PTRH2: variants seen among roughly 807,000 people sequenced by gnomAD.
PTRH2 encodes the protein peptidyl-tRNA hydrolase 2, mitochondrial.
In PTRH2, 10 loss-of-function variants were observed where a neutral mutation model predicts 12.3. The observed-to-expected ratio is 0.81, with a 90% CI of 0.50 to 1.38. PTRH2 has a LOEUF of 1.38. Ranked by LOEUF, PTRH2 falls within the 40% of genes most tolerant of loss-of-function variation. The probability of loss-of-function intolerance (pLI) is 0.00; values close to 1 mark genes in which losing one functional copy is unlikely to be tolerated. For missense variants in PTRH2, 176 were observed against 214.1 expected (o/e 0.82, Z 1.11); for synonymous variants, 73 against 77.4 (o/e 0.94, Z 0.30).
intron 1 of PTRH2, among the ~76,000 whole-genome samples, chr17:59,704,621 C>T (rs1277509811): frequency 6.6e-6 from 1 of 152,108 alleles, no homozygotes; most frequent in African/African-American, 2.4e-5. Context: ...AGGAGACTGA[C>T]ATGGAGTGGC....
intron 1 of PTRH2, among the ~76,000 whole-genome samples, chr17:59,703,503 C>T (rs2033590092): frequency 6.6e-6 from 1 of 152,110 alleles, no homozygotes; most frequent in Non-Finnish European, 1.5e-5. Flanking sequence ...ATCCAGAGCC[C>T]TTGTTCTTTT....
At chr17:59,703,204 T>TA (rs1392262026) in intron 1 of PTRH2, among the ~76,000 whole-genome samples, 1 of 151,982 alleles carries the variant, frequency 6.6e-6, no homozygotes, top group African/African-American at 2.4e-5. Context: ...CTTTTTTTTT[T>TA]AAGACACAGG....
At chr17:59,700,285 CTT>C in intron 1 of PTRH2, 1 of 152,212 alleles carries the variant, frequency 6.6e-6, no homozygotes, top group East Asian at 1.9e-4. Flanking sequence ...CAATAAGACA[CTT>C]ATATCAGTCT....
chr17:59,698,113 C>G lies in PTRH2; in HGVS notation c.1-135G>C. On this transcript the variant is annotated intron_variant, in intron 1 of 1. Coordinates refer to ENST00000393038, the MANE Select transcript of PTRH2 (RefSeq NM_016077.5). ...GGCAAAACACACCTTTGATCTTATG[C>G]CTGCACCCTGTTTCCAACACCCTCT... The G allele has an allele frequency of 4.7e-6, 4 of 853,608 alleles. No individual in the cohort carries two copies. The South Asian group carries it at 7.3e-5, about 16-fold the overall frequency. The allele number at this position is 853,608 out of a possible 1,614,324, so 52.9% of individuals were successfully genotyped here. A position where few individuals can be genotyped will look rare whatever the true frequency, so the allele number is the denominator to read the frequency against.
chr17:59,700,195 A>G (rs941228622), intron 1 of PTRH2: 20 of 152,264 alleles, frequency 1.3e-4, no homozygotes, highest in Admixed American at 1.3e-3. Flanking sequence ...TGTAGCTATC[A>G]TAAAACAAAG....
chr17:59,704,048 TC>T (rs2033600218), intron 1 of PTRH2, among the ~76,000 whole-genome samples: 1 of 150,930 alleles, frequency 6.6e-6, no homozygotes, highest in Non-Finnish European at 1.5e-5. Context: ...CCTCAGGTGA[TC>T]CACCCACCTC....
Position 59,698,517 on chromosome 17 carries a change from G to A in PTRH2, c.1-539C>T, listed in dbSNP as rs183971240. 4.7e-5 allele frequency: 11 copies of A among 232,920 alleles called. No homozygotes were observed. The East Asian group carries it at 6.3e-4, about 13-fold the overall frequency. The allele number at this position is 232,920 out of a possible 1,614,324, so 14.4% of individuals were successfully genotyped here. On this transcript the variant is annotated intron_variant, in intron 1 of 1. Transcript: ENST00000393038. ...AAAATGAAGAGTTGTCCCATTGGAC[G>A]TGAGTGCAGCTGAAAAACTTAATAA...
At chr17:59,705,066 C>A (rs2033616233) in intron 1 of PTRH2, among the ~76,000 whole-genome samples, 1 of 152,220 alleles carries the variant, frequency 6.6e-6, no homozygotes, top group Admixed American at 6.5e-5. Flanking sequence ...GGGATACAGG[C>A]ATGGGCCACC....
chr17:59,701,599 A>G (rs1208155520), intron 1 of PTRH2, among the ~76,000 whole-genome samples: 1 of 152,236 alleles, frequency 6.6e-6, no homozygotes, highest in African/African-American at 2.4e-5. Flanking sequence ...CAAAGCAGAA[A>G]AAGTCCTTTC....
rs1464616784 is a variant in PTRH2 at position 59,698,498 on chromosome 17, AAG to A, written c.1-522_1-521del. ...AGGATGCTAAAAACCTTACAAAATG[AAG>A]AGTTGTCCCATTGGACGTGAGTGCA... On this transcript the variant is annotated intron_variant, in intron 1 of 1. Transcript: ENST00000393038. 1.4e-5 allele frequency: 3 copies of A among 221,904 alleles called. No homozygotes were observed. In the Admixed American group the frequency reaches 1.5e-4, roughly 11 times the overall value. The allele number at this position is 221,904 out of a possible 1,614,324, so 13.7% of individuals were successfully genotyped here. A position where few individuals can be genotyped will look rare whatever the true frequency, so the allele number is the denominator to read the frequency against.
In PTRH2 at chr17:59,697,804, A is replaced by G. The variant is rs1462316661; in HGVS notation, c.175T>C (p.Leu59=). 6.2e-7 allele frequency: 1 copy of G among 1,614,170 alleles called. No individual in the cohort carries two copies. Among genetic ancestry groups the G allele is most frequent in the Non-Finnish European group, 8.5e-7 (1 of 1,180,046 alleles). Residue 59 remains leucine (L), a synonymous_variant, in exon 2 of 2, where the codon TTG becomes CTG. Coordinates refer to ENST00000393038, the MANE Select transcript of PTRH2 (RefSeq NM_016077.5). ...HTDTESEASI[L]GDSGEYKMIL... is the part of the protein sequence containing the mutation. ...ATCTTGTACTCCCCGCTGTCTCCCA[A>G]GATGCTTGCTTCACTTTCAGTATCT...
Position 59,697,859 on chromosome 17 carries a change from G to A in PTRH2, c.120C>T (p.Leu40=), listed in dbSNP as rs1207074605. 3 of 1,614,104 alleles carry A rather than the reference G, an allele frequency of 1.9e-6. No homozygotes were observed. Among genetic ancestry groups the A allele is most frequent in the East Asian group, 4.5e-5 (2 of 44,876 alleles). The change falls in exon 2 of 2, where the codon CTC becomes CTT. Residue 40 remains leucine (L), a synonymous_variant. Coordinates refer to ENST00000393038, the MANE Select transcript of PTRH2 (RefSeq NM_016077.5). Reference sequence around the variant, plus strand: ...GTGTCTTGCTCGTCTTGCTTTTGGGGAGCATCCCAAAGCATACTCGAAGGC... The same window carrying A: ...GTGTCTTGCTCGTCTTGCTTTTGGGAAGCATCCCAAAGCATACTCGAAGGC... The part of the protein sequence containing the change: ...GWSLRVCFGM[L]PKSKTSKTHT...
At chr17:59,699,634 TATC>T (rs1193206418) in intron 1 of PTRH2, 2 of 152,738 alleles carry the variant, frequency 1.3e-5, no homozygotes, top group Admixed American at 6.5e-5. Context: ...AATTTTTCCA[TATC>T]ATCAATTGGT....
chr17:59,698,211 G>A, intron 1 of PTRH2: 1 of 531,732 alleles, frequency 1.9e-6, no homozygotes. Context: ...GAATCTTGAT[G>A]TAAACGAAGT....
chr17:59,699,062 C>T lies in PTRH2; in HGVS notation c.1-1084G>A. The T allele has an allele frequency of 5.3e-6, 3 of 571,382 alleles. No individual in the cohort carries two copies. The Admixed American group carries it at 1.0e-4, about 19-fold the overall frequency. The allele number at this position is 571,382 out of a possible 1,614,324, so 35.4% of individuals were successfully genotyped here. A position where few individuals can be genotyped will look rare whatever the true frequency, so the allele number is the denominator to read the frequency against. ...ATGGTTTAGCAAGCATAGTGTTGTTCTTCAGGAAGATACCAAGTTTTGACC... is the reference window on the plus strand; with the variant it reads ...ATGGTTTAGCAAGCATAGTGTTGTTTTTCAGGAAGATACCAAGTTTTGACC... On this transcript the variant is annotated intron_variant, in intron 1 of 1. Coordinates refer to ENST00000393038, the MANE Select transcript of PTRH2 (RefSeq NM_016077.5).
rs777157358 is a variant in PTRH2, at chr17:59,697,719, G to T, written c.260C>A (p.Ser87Tyr). ...CTTGTAGGCTGAAACAGCAGCATGAGAGCACTGGGCAGCCACTTTCCCTTT... is the reference window on the plus strand; with the variant it reads ...CTTGTAGGCTGAAACAGCAGCATGATAGCACTGGGCAGCCACTTTCCCTTT... Reference protein sequence around the residue: ...MGKGKVAAQCSHAAVSAYKQI... With the variant: ...MGKGKVAAQCYHAAVSAYKQI... The change falls in exon 2 of 2, where the codon TCT (serine) becomes TAT (tyrosine). Residue 87 changes from serine to tyrosine, a missense_variant. Transcript: ENST00000393038. 2 of 1,614,178 alleles carry T rather than the reference G, an allele frequency of 1.2e-6. No homozygotes were observed. Among genetic ancestry groups the T allele is most frequent in the Non-Finnish European group, 1.7e-6 (2 of 1,180,036 alleles).
Position 59,697,586 on chromosome 17 carries a change from G to C in PTRH2, c.393C>G (p.Ala131=). ...PDEETLIALL[A]HAKMLGLTVS... is the part of the protein sequence containing the mutation. ...CAGTCAGTCCCAGCATTTTTGCATG[G>C]GCCAATAATGCAATCAGGGTTTCTT... The change falls in exon 2 of 2, where the codon GCC becomes GCG. Residue 131 remains alanine, a synonymous_variant. Coordinates refer to ENST00000393038, the MANE Select transcript of PTRH2 (RefSeq NM_016077.5). 1.2e-6 allele frequency: 2 copies of C among 1,614,060 alleles called. No individual in the cohort carries two copies. Among genetic ancestry groups the C allele is most frequent in the Non-Finnish European group, 1.7e-6 (2 of 1,180,014 alleles).
rs1161725546 is a variant in PTRH2, at chr17:59,698,309, A to C, written c.1-331T>G. 1.3e-5 allele frequency: 4 copies of C among 315,082 alleles called. No homozygotes were observed. In the East Asian group the frequency reaches 2.6e-4, roughly 21 times the overall value. 19.5% of individuals were successfully genotyped at this position (315,082 alleles called of 1,614,324 possible). On this transcript the variant is annotated intron_variant, in intron 1 of 1. Coordinates refer to ENST00000393038, the MANE Select transcript of PTRH2 (RefSeq NM_016077.5). ...TACCAAGATGCCTAAGATTTAAAGA[A>C]ACCAAAAATAACCCTTTCCTGGAAT...
chr17:59,699,855 A>G (rs77476521), intron 1 of PTRH2: 2 of 152,692 alleles, frequency 1.3e-5, no homozygotes, highest in African/African-American at 4.8e-5. Flanking sequence ...CCTCTTCTTC[A>G]TCTCACCAGA....
Sources: gnomAD v4.1 joint callset for allele counts (sites outside exome capture counted in the v4.1 genomes callset) on GRCh38, gnomAD v4.1.1 for gene constraint, MANE v1.5 for transcripts, NCBI Gene and HGNC (gene_info 2026-07-23, HGNC 2026-07-21) for gene names.